The following CNTNAP5 variants were observed in gnomAD, a reference collection of about 807,000 sequenced individuals.
CNTNAP5 encodes contactin associated protein family member 5.
CNTNAP5 carries 72 observed loss-of-function variants against 150.2 expected under a neutral mutation model. That is an observed-to-expected ratio of 0.48 (90% CI 0.40 to 0.58). CNTNAP5 has a LOEUF of 0.58. Among genes scored for constraint, CNTNAP5 ranks in the 20% least tolerant of loss-of-function variants. The pLI, the probability that CNTNAP5 is intolerant of heterozygous loss-of-function variation, is 0.00. For synonymous variants in CNTNAP5, 672 were observed against 619.8 expected, an observed-to-expected ratio of 1.08 and a Z score of -1.25; for missense variants, 1,636 against 1,626.2, an observed-to-expected ratio of 1.01 and a Z score of -0.10.
intron 3 of CNTNAP5, among the ~76,000 whole-genome samples, chr2:124,280,083 C>T (rs549179071): frequency 6.6e-6 from 1 of 152,074 alleles, no homozygotes; most frequent in African/African-American, 2.4e-5. Flanking sequence ...TGTTTCAAGA[C>T]CTGATTGTCA....
At chr2:124,604,535 A>G (rs72841378) in intron 11 of CNTNAP5, among the ~76,000 whole-genome samples, 3,210 of 152,338 alleles carry the variant, frequency 0.021, 40 homozygotes, top group Middle Eastern at 0.037. Flanking sequence ...TGAAAGCATC[A>G]ACCATGTAAC....
At chr2:124,236,648 C>T (rs1345254016) in intron 2 of CNTNAP5, among the ~76,000 whole-genome samples, 1 of 152,162 alleles carries the variant, frequency 6.6e-6, no homozygotes, top group Admixed American at 6.5e-5. Context: ...ACAGAGGCAT[C>T]GACCATTTAA....
chr2:124,243,495 T>C (rs1686939686), intron 3 of CNTNAP5, among the ~76,000 whole-genome samples: 1 of 152,224 alleles, frequency 6.6e-6, no homozygotes, highest in African/African-American at 2.4e-5. Context: ...TATGGCAGAC[T>C]GAATCCTGAG....
At chr2:124,251,854 G>C (rs1195850692) in intron 3 of CNTNAP5, among the ~76,000 whole-genome samples, 1 of 152,160 alleles carries the variant, frequency 6.6e-6, no homozygotes, top group Non-Finnish European at 1.5e-5. Flanking sequence ...TTGAGAGCTA[G>C]AGTTCCACGA....
chr2:124,073,316 T>A (rs1595619), intron 1 of CNTNAP5, among the ~76,000 whole-genome samples: 18,296 of 152,076 alleles, frequency 0.12, 1,162 homozygotes, highest in South Asian at 0.23. Context: ...ATTTCTATAG[T>A]AATACTTCAC....
chr2:124,408,302 G>T (rs1305607145), intron 3 of CNTNAP5, among the ~76,000 whole-genome samples: 1 of 149,362 alleles, frequency 6.7e-6, no homozygotes, highest in South Asian at 2.1e-4. Flanking sequence ...CAGCGAGGCT[G>T]GGGGAGGGGC....
intron 19 of CNTNAP5, among the ~76,000 whole-genome samples, chr2:124,836,000 A>C (rs1682821673): frequency 6.6e-6 from 1 of 152,122 alleles, no homozygotes; most frequent in Admixed American, 6.6e-5. Flanking sequence ...TATCAGAGAG[A>C]GAGAGAAAAG....
At chr2:124,092,871 G>C (rs1470131094) in intron 1 of CNTNAP5, among the ~76,000 whole-genome samples, 1 of 152,126 alleles carries the variant, frequency 6.6e-6, no homozygotes, top group Non-Finnish European at 1.5e-5. Context: ...TAAAAATCAC[G>C]TGATACAAAC....
intron 3 of CNTNAP5, among the ~76,000 whole-genome samples, chr2:124,410,761 C>T (rs1360921185): frequency 5.3e-5 from 8 of 150,670 alleles, no homozygotes; most frequent in Non-Finnish European, 1.2e-4. Context: ...GCACTAAATG[C>T]CCACAAGAGA....
chr2:124,601,848 A>C (rs986443155), intron 11 of CNTNAP5, among the ~76,000 whole-genome samples: 1 of 152,212 alleles, frequency 6.6e-6, no homozygotes, highest in African/African-American at 2.4e-5. Context: ...GACAACTGAT[A>C]CATCACAAAG....
At chr2:124,574,739 C>T (rs1233434350) in intron 11 of CNTNAP5, among the ~76,000 whole-genome samples, 1 of 152,192 alleles carries the variant, frequency 6.6e-6, no homozygotes, top group Admixed American at 6.5e-5. Context: ...AAAACTATGA[C>T]TGACTTGACT....
intron 3 of CNTNAP5, among the ~76,000 whole-genome samples, chr2:124,414,345 T>C (rs1012683543): frequency 6.6e-5 from 10 of 152,154 alleles, no homozygotes; most frequent in African/African-American, 2.4e-4. Context: ...TTTGTTTAGA[T>C]TCAATCTGCC....
chr2:124,026,737 G>A (rs770599218), intron 1 of CNTNAP5, among the ~76,000 whole-genome samples: 3 of 152,184 alleles, frequency 2.0e-5, no homozygotes, highest in Non-Finnish European at 4.4e-5. Flanking sequence ...CTGTCATGAA[G>A]CTCAGAAATA....
At chr2:124,491,344 T>C (rs547983064) in intron 7 of CNTNAP5, among the ~76,000 whole-genome samples, 1 of 152,256 alleles carries the variant, frequency 6.6e-6, no homozygotes, top group South Asian at 2.1e-4. Flanking sequence ...ACCTCCTGAT[T>C]TATTCATGTT....
chr2:124,255,836 T>G (rs1687299177), intron 3 of CNTNAP5, among the ~76,000 whole-genome samples: 1 of 152,164 alleles, frequency 6.6e-6, no homozygotes, highest in African/African-American at 2.4e-5. Context: ...AGGCTGTATC[T>G]TATCCAGATG....
intron 3 of CNTNAP5, among the ~76,000 whole-genome samples, chr2:124,373,909 T>G (rs1377328833): frequency 6.6e-6 from 1 of 152,070 alleles, no homozygotes; most frequent in African/African-American, 2.4e-5. Flanking sequence ...TTATGAATAA[T>G]TTTACATGTA....
At chr2:124,723,587 C>G (rs1161634811) in intron 13 of CNTNAP5, among the ~76,000 whole-genome samples, 1 of 152,146 alleles carries the variant, frequency 6.6e-6, no homozygotes, top group Non-Finnish European at 1.5e-5. Context: ...TAACAAAATA[C>G]CATAGACTGA....
chr2:124,655,809 A>G (rs1430204878), intron 13 of CNTNAP5, among the ~76,000 whole-genome samples: 1 of 151,520 alleles, frequency 6.6e-6, no homozygotes, highest in African/African-American at 2.4e-5. Flanking sequence ...GCTGAAGTGG[A>G]AGGATTGCTT....
rs1385640131 is a variant in CNTNAP5, at chr2:124,802,286, G to A, written c.3217+3966G>A. On this transcript the variant is annotated intron_variant, in intron 19 of 23. Coordinates refer to ENST00000682447, the MANE Select transcript of CNTNAP5 (RefSeq NM_001367498.1). Reference sequence around the variant, plus strand: ...AAGATCAACGTGATTCAAAGTCATGGTTATAAGTCTCTCCCTGGCAGGGGT... The same window carrying A: ...AAGATCAACGTGATTCAAAGTCATGATTATAAGTCTCTCCCTGGCAGGGGT... 4.6e-5 allele frequency among the ~76,000 whole-genome samples: 7 copies of A among 152,174 alleles called. No homozygotes were observed. In the East Asian group the frequency reaches 1.2e-3, roughly 25 times the overall value.
Sources: allele counts gnomAD v4.1 joint callset (sites outside exome capture counted in the v4.1 genomes callset), GRCh38; gene constraint gnomAD v4.1.1; transcripts MANE v1.5; gene names NCBI Gene and HGNC (gene_info 2026-07-23, HGNC 2026-07-21).